Variants in UNC5D observed in about 807,000 individuals in gnomAD.
UNC5D encodes the protein unc-5 netrin receptor D, also known as netrin receptor UNC5D.
UNC5D carries 39 observed loss-of-function variants against 105.4 expected under a neutral mutation model. The observed-to-expected ratio is 0.37, with a 90% CI of 0.29 to 0.48. The LOEUF is 0.48. Among genes scored for constraint, UNC5D ranks in the 20% least tolerant of loss-of-function variants. UNC5D has a pLI of 0.98. For missense variants in UNC5D, 991 were observed against 1,202.4 expected, an observed-to-expected ratio of 0.82 and a Z score of 2.60; for synonymous variants, 452 against 450.4, an observed-to-expected ratio of 1.00 and a Z score of -0.04.
intron 1 of UNC5D, among the ~76,000 whole-genome samples, chr8:35,356,287 T>C (rs759465859): frequency 1.3e-5 from 2 of 152,186 alleles, no homozygotes; most frequent in African/African-American, 2.4e-5. Flanking sequence ...TAAACACTTA[T>C]GAGCTTACTC....
chr8:35,333,183 A>G (rs188854639), intron 1 of UNC5D, among the ~76,000 whole-genome samples: 1 of 152,070 alleles, frequency 6.6e-6, no homozygotes, highest in African/African-American at 2.4e-5. Flanking sequence ...AAAATTTTTT[A>G]AAAAATTAGC....
chr8:35,629,862 G>T (rs942402467), intron 4 of UNC5D, among the ~76,000 whole-genome samples: 3 of 152,054 alleles, frequency 2.0e-5, no homozygotes, highest in Non-Finnish European at 4.4e-5. Flanking sequence ...TAAAAGTATT[G>T]AGATCACTAT....
At chr8:35,510,518 G>T (rs1364129007) in intron 1 of UNC5D, among the ~76,000 whole-genome samples, 1 of 151,962 alleles carries the variant, frequency 6.6e-6, no homozygotes, top group Non-Finnish European at 1.5e-5. Flanking sequence ...CGACAATAAG[G>T]CTTCATTGCT....
At chr8:35,715,604 G>A (rs1828211596) in intron 8 of UNC5D, among the ~76,000 whole-genome samples, 1 of 152,170 alleles carries the variant, frequency 6.6e-6, no homozygotes, top group Non-Finnish European at 1.5e-5. Flanking sequence ...ATGTTAAAAA[G>A]GCGGCATGTT....
chr8:35,378,653 G>C (rs1283439166), intron 1 of UNC5D, among the ~76,000 whole-genome samples: 1 of 152,110 alleles, frequency 6.6e-6, no homozygotes, highest in Middle Eastern at 3.2e-3. Context: ...GAAGCCATGT[G>C]GCCACACAGA....
intron 1 of UNC5D, among the ~76,000 whole-genome samples, chr8:35,394,866 G>A (rs544780830): frequency 1.3e-5 from 2 of 152,268 alleles, no homozygotes; most frequent in African/African-American, 4.8e-5. Context: ...AAAGGCACAA[G>A]GGACAACCTT....
intron 1 of UNC5D, among the ~76,000 whole-genome samples, chr8:35,472,438 T>C (rs1334879038): frequency 6.6e-6 from 1 of 152,010 alleles, no homozygotes; most frequent in African/African-American, 2.4e-5. Flanking sequence ...AAAAAGCCTA[T>C]TCAGAAAAAC....
chr8:35,423,733 T>C lies in UNC5D; in HGVS notation c.104-125559T>C, dbSNP rs572343371. Among the ~76,000 whole-genome samples, 3 of 152,280 alleles carry C rather than the reference T, an allele frequency of 2.0e-5. No individual in the cohort carries two copies. The South Asian group carries it at 6.2e-4, about 32-fold the overall frequency. ...ATGGAAAAGTAGGGGCAGTATTATT[T>C]CTACAGAAGTATGAAGAATGACTGC... On this transcript the variant is annotated intron_variant, in intron 1 of 16. Coordinates refer to ENST00000404895, the MANE Select transcript of UNC5D (RefSeq NM_080872.4).
intron 1 of UNC5D, among the ~76,000 whole-genome samples, chr8:35,303,120 CT>C (rs1208326199): frequency 6.6e-6 from 1 of 151,870 alleles, no homozygotes; most frequent in Non-Finnish European, 1.5e-5. Context: ...AGGTATTTTT[CT>C]TTTTTTAATA....
At chr8:35,446,757 C>T (rs2128987889) in intron 1 of UNC5D, among the ~76,000 whole-genome samples, 1 of 152,068 alleles carries the variant, frequency 6.6e-6, no homozygotes. Context: ...AGAGAAAATC[C>T]AGTTTGTTGC....
chr8:35,657,074 GTGTGTGTATATATA>G lies in UNC5D; in HGVS notation c.571-26471_571-26458del, dbSNP rs1396191424. On this transcript the variant is annotated intron_variant, in intron 4 of 16. Coordinates refer to ENST00000404895, the MANE Select transcript of UNC5D (RefSeq NM_080872.4). ...TGTGTGTGTGTGTGTGTGTGTGTGT[GTGTGTGTATATATA>G]TATATATATATATATATATATATAT... is the stretch of plus-strand genomic sequence containing the variant. 4.8e-4 allele frequency among the ~76,000 whole-genome samples: 46 copies of G among 96,562 alleles called. 1 individual carries two copies. In the South Asian group the frequency reaches 5.3e-3, roughly 11 times the overall value. The allele number at this position is 96,562 out of a possible 152,430, so 63.3% of individuals were successfully genotyped here.
chr8:35,360,120 GT>G (rs780572119), intron 1 of UNC5D, among the ~76,000 whole-genome samples: 1 of 152,052 alleles, frequency 6.6e-6, no homozygotes, highest in East Asian at 1.9e-4. Flanking sequence ...CTTCTAGAGG[GT>G]TTTTTCATGT....
chr8:35,579,828 A>T (rs1170937333), intron 3 of UNC5D, among the ~76,000 whole-genome samples: 1 of 152,198 alleles, frequency 6.6e-6, no homozygotes, highest in Non-Finnish European at 1.5e-5. Context: ...TGATGCTATC[A>T]TACTTTCCAA....
intron 4 of UNC5D, among the ~76,000 whole-genome samples, chr8:35,669,055 T>A (rs1824606376): frequency 6.6e-6 from 1 of 152,104 alleles, no homozygotes. Context: ...CATTTTACAC[T>A]TTTTGCATGA....
chr8:35,735,798 A>T (rs932021590), intron 11 of UNC5D, among the ~76,000 whole-genome samples: 4 of 152,250 alleles, frequency 2.6e-5, no homozygotes, highest in African/African-American at 4.8e-5. Flanking sequence ...CCATACACAC[A>T]AAAACAAAAT....
chr8:35,728,095 A>AATATATATATATATATATATATATAT (rs1554596595), intron 10 of UNC5D, among the ~76,000 whole-genome samples: 19 of 110,268 alleles, frequency 1.7e-4, no homozygotes, highest in African/African-American at 1.0e-3. Flanking sequence ...AAAAAAAAAA[A>AATATATATATATATATATATATATAT]ATATATATAT....
chr8:35,510,890 T>C (rs970680423), intron 1 of UNC5D, among the ~76,000 whole-genome samples: 2 of 152,208 alleles, frequency 1.3e-5, no homozygotes, highest in Non-Finnish European at 2.9e-5. Context: ...AAATTATTAA[T>C]TCACTCTTGA....
intron 8 of UNC5D, among the ~76,000 whole-genome samples, chr8:35,710,720 C>T (rs1827884542): frequency 6.6e-6 from 1 of 152,110 alleles, no homozygotes; most frequent in South Asian, 2.1e-4. Context: ...AGAAAAGTAA[C>T]AGCTCAAGGA....
intron 16 of UNC5D, among the ~76,000 whole-genome samples, chr8:35,783,230 A>G (rs1389817632): frequency 6.6e-6 from 1 of 152,178 alleles, no homozygotes. Context: ...CTCACGTCAC[A>G]GGTACAAGTG....
Sources: gnomAD v4.1 joint callset for allele counts (sites outside exome capture counted in the v4.1 genomes callset) on GRCh38, gnomAD v4.1.1 for gene constraint, MANE v1.5 for transcripts, NCBI Gene and HGNC (gene_info 2026-07-23, HGNC 2026-07-21) for gene names.